The following SOX5 variants were observed in gnomAD, a reference collection of about 807,000 sequenced individuals.
The protein encoded by SOX5 is transcription factor SOX-5.
Under a neutral mutation model 92.0 loss-of-function variants are expected in SOX5, and 9 were observed. The observed-to-expected ratio is 0.10, with a 90% CI of 0.06 to 0.17. The LOEUF is 0.17. Among genes scored for constraint, SOX5 ranks in the 10% least tolerant of loss-of-function variants. The pLI is 1.00. For synonymous variants in SOX5, 344 were observed against 336.3 expected (o/e 1.02, Z -0.25); for missense variants, 642 against 944.5 (o/e 0.68, Z 4.20).
intron 4 of SOX5, among the ~76,000 whole-genome samples, chr12:23,983,173 A>T (rs1334345202): frequency 6.6e-6 from 1 of 151,144 alleles, no homozygotes; most frequent in East Asian, 1.9e-4. Flanking sequence ...ATCTGTATTT[A>T]AAAATGGGCA....
At chr12:24,268,998 A>G (rs941757003) in intron 3 of SOX5, among the ~76,000 whole-genome samples, 1 of 152,206 alleles carries the variant, frequency 6.6e-6, no homozygotes, top group African/African-American at 2.4e-5. Flanking sequence ...AGATTTGTCA[A>G]CAAAGTGGCT....
At chr12:24,434,520 G>T (rs1265084767) in intron 1 of SOX5, among the ~76,000 whole-genome samples, 3 of 152,118 alleles carry the variant, frequency 2.0e-5, no homozygotes, top group African/African-American at 7.2e-5. Context: ...ATATGATTTG[G>T]ATTTGTGTTC....
At chr12:23,847,426 A>T (rs1346251406) in intron 2 of SOX5, among the ~76,000 whole-genome samples, 1 of 152,180 alleles carries the variant, frequency 6.6e-6, no homozygotes, top group East Asian at 1.9e-4. Flanking sequence ...AACAAATCAC[A>T]CTGATTGATA....
chr12:23,968,104 G>T (rs1947801182), intron 4 of SOX5, among the ~76,000 whole-genome samples: 1 of 152,140 alleles, frequency 6.6e-6, no homozygotes. Flanking sequence ...AATAGTTGAT[G>T]CCAGAATGCG....
chr12:23,534,569 G>A, intron 14 of SOX5, 47 bp from the exon 15 acceptor site: 5 of 1,461,874 alleles, frequency 3.4e-6, no homozygotes, highest in Non-Finnish European at 4.7e-6. Flanking sequence ...TAAGTGAATA[G>A]TTAGATGTGG....
chr12:24,073,828 A>G (rs1444325000), intron 4 of SOX5, among the ~76,000 whole-genome samples: 2 of 152,246 alleles, frequency 1.3e-5, no homozygotes, highest in Non-Finnish European at 1.5e-5. Context: ...TGAATTTATG[A>G]AATTTTACAA....
At chr12:24,524,340 C>CATCTATCT (rs146131503) in intron 1 of SOX5, among the ~76,000 whole-genome samples, 17,087 of 145,112 alleles carry the variant, frequency 0.12, 1,183 homozygotes, top group East Asian at 0.25. Context: ...AATCCCCTCC[C>CATCTATCT]ATCTATCTAT....
intron 1 of SOX5, among the ~76,000 whole-genome samples, chr12:24,525,201 A>G (rs1263721217): frequency 6.6e-6 from 1 of 152,250 alleles, no homozygotes; most frequent in Non-Finnish European, 1.5e-5. Flanking sequence ...ATACAAGGCA[A>G]TATCATTCAG....
chr12:23,579,123 T>C (rs1949689436), intron 9 of SOX5, among the ~76,000 whole-genome samples: 1 of 152,166 alleles, frequency 6.6e-6, no homozygotes, highest in Non-Finnish European at 1.5e-5. Flanking sequence ...TGAAGTGTCA[T>C]ATGTCTTAGC....
exon 1 of SOX5, chr12:24,562,376 G>T (rs1328982920): frequency 6.5e-6 from 1 of 152,692 alleles, no homozygotes; most frequent in African/African-American, 2.4e-5. Context: ...GGGATGCAAA[G>T]TGGCACAGAG....
At chr12:24,054,810 A>G (rs534635270) in intron 4 of SOX5, among the ~76,000 whole-genome samples, 5 of 152,370 alleles carry the variant, frequency 3.3e-5, no homozygotes. Flanking sequence ...TCAAGTGAAC[A>G]CGGGCATGTA....
At chr12:24,107,292 A>C (rs1354468216) in intron 4 of SOX5, among the ~76,000 whole-genome samples, 1 of 152,212 alleles carries the variant, frequency 6.6e-6, no homozygotes, top group Non-Finnish European at 1.5e-5. Context: ...ATTAGTTAAT[A>C]AATACTTTCT....
intron 8 of SOX5, among the ~76,000 whole-genome samples, chr12:23,631,392 C>T (rs1010219636): frequency 6.6e-6 from 1 of 151,946 alleles, no homozygotes; most frequent in African/African-American, 2.4e-5. Context: ...ACATTAGTTG[C>T]CCTCTCTTCT....
At chr12:24,146,303 ATAAAT>A (rs1469475136) in intron 4 of SOX5, among the ~76,000 whole-genome samples, 6 of 152,172 alleles carry the variant, frequency 3.9e-5, no homozygotes, top group Admixed American at 3.9e-4. Flanking sequence ...TATCATAAAA[ATAAAT>A]TAGAAATTAA....
chr12:24,412,249 T>C (rs1390533258), intron 1 of SOX5, among the ~76,000 whole-genome samples: 1 of 152,156 alleles, frequency 6.6e-6, no homozygotes, highest in Non-Finnish European at 1.5e-5. Context: ...GTAACCTTAA[T>C]TTTTTCATGG....
chr12:23,678,871 A>G (rs575250448), intron 6 of SOX5, among the ~76,000 whole-genome samples: 97 of 152,262 alleles, frequency 6.4e-4, no homozygotes, highest in African/African-American at 2.2e-3. Flanking sequence ...ATACTTATAA[A>G]TAAATCTTAC....
intron 4 of SOX5, among the ~76,000 whole-genome samples, chr12:24,067,415 C>T (rs1940930324): frequency 6.6e-6 from 1 of 151,906 alleles, no homozygotes; most frequent in Non-Finnish European, 1.5e-5. Flanking sequence ...CCCTTGCAGC[C>T]CCAAACTCCA....
At chr12:24,248,694 CT>C (rs1046791712) in intron 3 of SOX5, among the ~76,000 whole-genome samples, 1 of 152,098 alleles carries the variant, frequency 6.6e-6, no homozygotes, top group African/African-American at 2.4e-5. Flanking sequence ...CCTTCTTTTC[CT>C]TTTTTTAAGC....
chr12:23,819,396 G>A (rs1373090725), intron 3 of SOX5, among the ~76,000 whole-genome samples: 1 of 152,096 alleles, frequency 6.6e-6, no homozygotes, highest in African/African-American at 2.4e-5. Context: ...GAGATTAAGA[G>A]TGAAAAAATT....
Sources: allele counts gnomAD v4.1 joint callset (sites outside exome capture counted in the v4.1 genomes callset), GRCh38; gene constraint gnomAD v4.1.1; transcripts MANE v1.5; gene names NCBI Gene and HGNC (gene_info 2026-07-23, HGNC 2026-07-21).